The following GRIK2 variants were observed in gnomAD, a reference collection of about 807,000 sequenced individuals.
The protein encoded by GRIK2 is glutamate ionotropic receptor kainate type subunit 2, also known as glutamate receptor ionotropic, kainate 2.
Under a neutral mutation model 100.3 loss-of-function variants are expected in GRIK2, and 32 were observed. The observed-to-expected ratio is 0.32, with a 90% CI of 0.24 to 0.43. The LOEUF is 0.43. Ranked by LOEUF, GRIK2 falls within the 20% of genes least tolerant of loss-of-function variation. The pLI is 1.00. For synonymous variants in GRIK2, 417 were observed against 389.4 expected, an observed-to-expected ratio of 1.07 and a Z score of -0.83; for missense variants, 843 against 1,114.9, an observed-to-expected ratio of 0.76 and a Z score of 3.47.
intron 2 of GRIK2, among the ~76,000 whole-genome samples, chr6:101,424,439 G>C (rs145476937): frequency 0.017 from 2,533 of 151,164 alleles, 45 homozygotes; most frequent in Non-Finnish European, 0.027. Context: ...TTGTCCTTGC[G>C]ATAGTTTGCT....
chr6:101,518,525 A>AC lies in GRIK2; in HGVS notation c.116-103423dup, dbSNP rs1418570883. Among the ~76,000 whole-genome samples the AC allele has an allele frequency of 2.0e-5, 3 of 150,024 alleles. No homozygotes were observed. The East Asian group carries it at 5.9e-4, about 29-fold the overall frequency. Reference sequence around the variant, plus strand: ...AGAGGCAATCAATTTTCTATGTGAAACAGATAGTAATATTAGCTGATGTAT... The same window carrying AC: ...AGAGGCAATCAATTTTCTATGTGAAACCAGATAGTAATATTAGCTGATGTAT... On this transcript the variant is annotated intron_variant, in intron 2 of 16. Transcript: ENST00000369134.
chr6:101,794,562 G>A (rs931999001), intron 7 of GRIK2, among the ~76,000 whole-genome samples: 1 of 151,824 alleles, frequency 6.6e-6, no homozygotes, highest in Admixed American at 6.6e-5. Context: ...TTCTGTAGTG[G>A]TTCCAGAATT....
At chr6:101,449,246 A>G (rs181102057) in intron 2 of GRIK2, among the ~76,000 whole-genome samples, 82 of 151,822 alleles carry the variant, frequency 5.4e-4, no homozygotes, top group Admixed American at 3.8e-3. Flanking sequence ...ATTAACAAGT[A>G]TCTCTCTCAT....
intron 2 of GRIK2, among the ~76,000 whole-genome samples, chr6:101,432,167 C>A (rs1243955803): frequency 6.6e-6 from 1 of 152,132 alleles, no homozygotes; most frequent in South Asian, 2.1e-4. Flanking sequence ...GGACCTTCTC[C>A]TGGGGCTGCC....
chr6:101,938,254 G>A (rs1365342352), intron 14 of GRIK2, among the ~76,000 whole-genome samples: 3 of 152,070 alleles, frequency 2.0e-5, no homozygotes, highest in African/African-American at 2.4e-5. Context: ...CAAGCAAGAT[G>A]TCAAGTGATG....
At chr6:102,061,346 A>G (rs946503350) in intron 16 of GRIK2, among the ~76,000 whole-genome samples, 2 of 150,706 alleles carry the variant, frequency 1.3e-5, no homozygotes, top group South Asian at 2.1e-4. Context: ...TATCATCTAT[A>G]TAGTACAGAT....
At chr6:101,918,179 T>G (rs1789241148) in intron 12 of GRIK2, among the ~76,000 whole-genome samples, 1 of 59,892 alleles carries the variant, frequency 1.7e-5, no homozygotes, top group Non-Finnish European at 3.5e-5. Flanking sequence ...AGTTGAGGAT[T>G]GTTATGTAAT....
intron 7 of GRIK2, among the ~76,000 whole-genome samples, chr6:101,709,620 C>T (rs2128358200): frequency 6.6e-6 from 1 of 151,876 alleles, no homozygotes; most frequent in Non-Finnish European, 1.5e-5. Flanking sequence ...ATTTAAGCAG[C>T]TATTCTCTAG....
intron 6 of GRIK2, among the ~76,000 whole-genome samples, chr6:101,684,666 A>T (rs1379611715): frequency 1.3e-5 from 2 of 152,068 alleles, no homozygotes; most frequent in East Asian, 1.9e-4. Context: ...TATAAATTTT[A>T]TGTGACACAA....
chr6:101,717,862 G>A (rs935008659), intron 7 of GRIK2, among the ~76,000 whole-genome samples: 1 of 151,764 alleles, frequency 6.6e-6, no homozygotes, highest in African/African-American at 2.4e-5. Context: ...CAGTTTAGTT[G>A]TATGTGCTTG....
intron 7 of GRIK2, among the ~76,000 whole-genome samples, chr6:101,691,087 A>G (rs936457918): frequency 1.3e-5 from 2 of 152,134 alleles, no homozygotes; most frequent in African/African-American, 4.8e-5. Context: ...AGGAGCTCAT[A>G]ATGAGAGAGT....
chr6:101,600,239 GTTC>G (rs1342387988), intron 2 of GRIK2, among the ~76,000 whole-genome samples: 1 of 151,500 alleles, frequency 6.6e-6, no homozygotes, highest in Non-Finnish European at 1.5e-5. Flanking sequence ...TGGGTTCTCC[GTTC>G]TTTTCCACTG....
intron 14 of GRIK2, among the ~76,000 whole-genome samples, chr6:101,991,475 GTGTT>G (rs993375037): frequency 2.7e-5 from 4 of 150,526 alleles, no homozygotes; most frequent in Admixed American, 2.0e-4. Context: ...ATAAATAGAA[GTGTT>G]TGTTGTATAG....
chr6:101,736,833 C>G (rs1172399531), intron 7 of GRIK2, among the ~76,000 whole-genome samples: 1 of 152,182 alleles, frequency 6.6e-6, no homozygotes, highest in Non-Finnish European at 1.5e-5. Context: ...ATGGAATTTT[C>G]TTTTCTATTG....
intron 2 of GRIK2, among the ~76,000 whole-genome samples, chr6:101,455,331 C>A (rs570661395): frequency 2.3e-3 from 346 of 152,190 alleles, no homozygotes; most frequent in African/African-American, 8.0e-3. Context: ...TCTCTCCAAG[C>A]AAAATGCCAT....
chr6:101,400,124 A>G (rs1192583293), intron 2 of GRIK2, among the ~76,000 whole-genome samples: 1 of 142,794 alleles, frequency 7.0e-6, no homozygotes, highest in Admixed American at 6.8e-5. Context: ...TAATTAATGA[A>G]GGATAGTATC....
chr6:101,409,255 C>T (rs868147781), intron 2 of GRIK2, among the ~76,000 whole-genome samples: 1 of 151,696 alleles, frequency 6.6e-6, no homozygotes, highest in Non-Finnish European at 1.5e-5. Flanking sequence ...CTGCCATATC[C>T]AGCAGAGTAA....
chr6:101,615,020 G>A (rs1017684877), intron 2 of GRIK2, among the ~76,000 whole-genome samples: 2 of 151,724 alleles, frequency 1.3e-5, no homozygotes, highest in African/African-American at 4.8e-5. Flanking sequence ...AGACTGTGAT[G>A]TGAAAAGTTT....
chr6:101,875,723 G>A (rs1356169723), intron 11 of GRIK2, among the ~76,000 whole-genome samples: 1 of 151,450 alleles, frequency 6.6e-6, no homozygotes, highest in East Asian at 1.9e-4. Context: ...ATTCTTTAGG[G>A]GTTTTTATGG....
Sources: allele counts gnomAD v4.1 joint callset (sites outside exome capture counted in the v4.1 genomes callset), GRCh38; gene constraint gnomAD v4.1.1; transcripts MANE v1.5; gene names NCBI Gene and HGNC (gene_info 2026-07-23, HGNC 2026-07-21).